Variants in FAM3B observed in about 807,000 individuals in gnomAD.
FAM3B encodes protein FAM3B.
In FAM3B, 29 loss-of-function variants were observed where a neutral mutation model predicts 28.4. That is an observed-to-expected ratio of 1.02 (90% CI 0.76 to 1.39). The LOEUF is 1.39. Ranked by LOEUF, FAM3B falls within the 40% of genes most tolerant of loss-of-function variation. FAM3B has a pLI of 0.00. For synonymous variants in FAM3B, 91 were observed against 103.0 expected, an observed-to-expected ratio of 0.88 and a Z score of 0.71; for missense variants, 266 against 293.9, an observed-to-expected ratio of 0.91 and a Z score of 0.69.
In FAM3B at chr21:41,307,943, C is replaced by T. The variant is rs111780184; in HGVS notation, n.99+3633C>T. ...ACATGCTGTTGGAAACAAATGGCAG[C>T]AGTAGACTTACTGGAGGCAGGGTTG... is the stretch of plus-strand genomic sequence containing the variant. On this transcript the variant is annotated intron_variant and non_coding_transcript_variant, in intron 1 of 9. Transcript: ENST00000479810. Among the ~76,000 whole-genome samples, 308 of 152,144 alleles carry T rather than the reference C, an allele frequency of 2.0e-3. 3 individuals are homozygous for T. The highest frequency in any genetic ancestry group is 6.8e-3 in the African/African-American group (282 of 41,500).
At chr21:41,342,016 C>T (rs2089011096) in intron 3 of FAM3B, among the ~76,000 whole-genome samples, 2 of 152,202 alleles carry the variant, frequency 1.3e-5, no homozygotes, top group East Asian at 1.9e-4. Context: ...CTTTACTTCA[C>T]CTTCATACCT....
intron 2 of FAM3B, among the ~76,000 whole-genome samples, chr21:41,334,075 G>A (rs907998836): frequency 6.6e-6 from 1 of 152,184 alleles, no homozygotes; most frequent in Non-Finnish European, 1.5e-5. Context: ...TTAAGATATG[G>A]CCTGGCTGCT....
intron 1 of FAM3B, chr21:41,322,462 T>G (rs2145798223): frequency 3.1e-6 from 2 of 652,920 alleles, no homozygotes; most frequent in Non-Finnish European, 5.7e-6. Flanking sequence ...CTATTCCCAG[T>G]GCTGGTGATA....
At chr21:41,334,802 C>G (rs979056275) in intron 2 of FAM3B, among the ~76,000 whole-genome samples, 1 of 152,210 alleles carries the variant, frequency 6.6e-6, no homozygotes, top group Admixed American at 6.5e-5. Context: ...AGCTTGCACC[C>G]TCAGCATGGA....
At chr21:41,306,499 G>C (rs1039039789) in intron 1 of FAM3B, among the ~76,000 whole-genome samples, 24 of 152,164 alleles carry the variant, frequency 1.6e-4, no homozygotes, top group African/African-American at 5.1e-4. Flanking sequence ...TTGATCCAAG[G>C]GCTGCAGAAT....
At chr21:41,356,547 A>G (rs2089169275) in intron 7 of FAM3B, among the ~76,000 whole-genome samples, 1 of 152,204 alleles carries the variant, frequency 6.6e-6, no homozygotes, top group Non-Finnish European at 1.5e-5. Flanking sequence ...ACCATTGTAA[A>G]GTTAAACCAC....
At chr21:41,329,354 G>A (rs1264825919) in intron 2 of FAM3B, among the ~76,000 whole-genome samples, 18 of 152,068 alleles carry the variant, frequency 1.2e-4, no homozygotes, top group Admixed American at 1.2e-3. Context: ...CTCATCCCAC[G>A]GGGGACGTGA....
At chr21:41,339,102 A>G (rs533680191) in intron 3 of FAM3B, among the ~76,000 whole-genome samples, 3 of 152,008 alleles carry the variant, frequency 2.0e-5, no homozygotes, top group East Asian at 1.9e-4. Context: ...ACACTTCTTC[A>G]ATATTTTGGG....
At chr21:41,323,766 AAGG>A (rs1183033063) in intron 2 of FAM3B, among the ~76,000 whole-genome samples, 1 of 152,142 alleles carries the variant, frequency 6.6e-6, no homozygotes, top group African/African-American at 2.4e-5. Flanking sequence ...AGCCTCTGAG[AAGG>A]AGGTGACAAT....
At chr21:41,354,738 G>A in intron 7 of FAM3B, among the ~76,000 whole-genome samples, 1 of 152,096 alleles carries the variant, frequency 6.6e-6, no homozygotes, top group African/African-American at 2.4e-5. Flanking sequence ...TGGATACTAG[G>A]CTTAATACCT....
chr21:41,305,859 A>T (rs2088680264), intron 1 of FAM3B, among the ~76,000 whole-genome samples: 1 of 152,240 alleles, frequency 6.6e-6, no homozygotes, highest in African/African-American at 2.4e-5. Context: ...ATTTCTTAAA[A>T]GAAGACAACA....
chr21:41,309,465 G>A (rs10439674), intron 1 of FAM3B, among the ~76,000 whole-genome samples: 31,696 of 152,090 alleles, frequency 0.21, 3,706 homozygotes, highest in East Asian at 0.49. Flanking sequence ...CGAGCATCAT[G>A]ATGATGCAGA....
intron 6 of FAM3B, among the ~76,000 whole-genome samples, chr21:41,347,574 G>A (rs1287312269): frequency 1.3e-5 from 2 of 152,102 alleles, no homozygotes; most frequent in Non-Finnish European, 2.9e-5. Flanking sequence ...CCAACATGGT[G>A]AAACCTTGTC....
upstream of FAM3B, among the ~76,000 whole-genome samples, chr21:41,315,448 A>T (rs117778320): frequency 1.6e-3 from 243 of 150,942 alleles, 5 homozygotes; most frequent in East Asian, 0.021. Context: ...ATTTTTTAAA[A>T]ATTGAAAACA....
Position 41,356,038 on chromosome 21 carries a change from C to CAT in FAM3B, c.619-1068_619-1067dup, listed in dbSNP as rs1555873670. ...ATACAAGGACTCTGGGAAAAAAATACATACACACACACACACACACACACA... is the reference window on the plus strand; with the variant it reads ...ATACAAGGACTCTGGGAAAAAAATACATATACACACACACACACACACACACA... On this transcript the variant is annotated intron_variant, in intron 7 of 7. Coordinates refer to ENST00000357985, the MANE Select transcript of FAM3B (RefSeq NM_058186.4). 2.8e-4 allele frequency among the ~76,000 whole-genome samples: 32 copies of CAT among 115,314 alleles called. No homozygotes were observed. The East Asian group carries it at 6.4e-3, about 23-fold the overall frequency. The allele number at this position is 115,314 out of a possible 152,430, so 75.7% of individuals were successfully genotyped here.
intron 1 of FAM3B, among the ~76,000 whole-genome samples, chr21:41,317,219 A>G (rs1477242397): frequency 6.6e-6 from 1 of 152,110 alleles, no homozygotes; most frequent in East Asian, 1.9e-4. Context: ...CTTGGAAAGT[A>G]GATTGGTGGG....
At chr21:41,309,950 G>C (rs914451721) in intron 1 of FAM3B, among the ~76,000 whole-genome samples, 1 of 152,118 alleles carries the variant, frequency 6.6e-6, no homozygotes, top group African/African-American at 2.4e-5. Flanking sequence ...TGCCTCTTCT[G>C]GTCCCATTCA....
chr21:41,315,883 C>T (rs1415678932), upstream of FAM3B, among the ~76,000 whole-genome samples: 5 of 152,154 alleles, frequency 3.3e-5, no homozygotes, highest in Non-Finnish European at 7.3e-5. Flanking sequence ...GCACCTTGGG[C>T]TTCTTGAGAG....
intron 4 of FAM3B, among the ~76,000 whole-genome samples, chr21:41,344,757 T>TA (rs1568921244): frequency 6.6e-6 from 1 of 152,074 alleles, no homozygotes; most frequent in South Asian, 2.1e-4. Context: ...GACTTTATTT[T>TA]AAAAAAAGAA....
Sources: gnomAD v4.1 joint callset for allele counts (sites outside exome capture counted in the v4.1 genomes callset) on GRCh38, gnomAD v4.1.1 for gene constraint, MANE v1.5 for transcripts, NCBI Gene and HGNC (gene_info 2026-07-23, HGNC 2026-07-21) for gene names.